LEKR1: variants seen among roughly 807,000 people sequenced by gnomAD.
LEKR1 encodes protein LEKR1.
Under a neutral mutation model 72.4 loss-of-function variants are expected in LEKR1, and 59 were observed. That is an observed-to-expected ratio of 0.82 (90% CI 0.66 to 1.01). The LOEUF is 1.01. Ranked by LOEUF, LEKR1 falls within the 50% of genes least tolerant of loss-of-function variation. LEKR1 has a pLI of 0.00. For missense variants in LEKR1, 728 were observed against 759.2 expected (o/e 0.96, Z 0.48); for synonymous variants, 257 against 263.2 (o/e 0.98, Z 0.23).
intron 11 of LEKR1, among the ~76,000 whole-genome samples, chr3:157,025,853 G>A (rs1734146257): frequency 8.9e-6 from 1 of 111,734 alleles, no homozygotes; most frequent in African/African-American, 3.1e-5. Context: ...TAGCAAGACT[G>A]TCTCTATTAA....
chr3:156,993,964 T>G (rs1731342345), intron 9 of LEKR1, among the ~76,000 whole-genome samples: 1 of 152,112 alleles, frequency 6.6e-6, no homozygotes, highest in Admixed American at 6.5e-5. Flanking sequence ...TTTTTTTGTT[T>G]CATTGATTTA....
intron 1 of LEKR1, among the ~76,000 whole-genome samples, chr3:156,828,839 A>T (rs1483224947): frequency 6.6e-6 from 1 of 152,086 alleles, no homozygotes; most frequent in Admixed American, 6.5e-5. Context: ...CTTTTTCTGT[A>T]TTTCATCATT....
At chr3:156,946,395 A>G (rs1290035665) in intron 6 of LEKR1, among the ~76,000 whole-genome samples, 1 of 151,558 alleles carries the variant, frequency 6.6e-6, no homozygotes, top group South Asian at 2.1e-4. Context: ...AACAAGGATA[A>G]TTTGACTTCT....
At chr3:156,960,602 A>C (rs1728037081) in intron 6 of LEKR1, among the ~76,000 whole-genome samples, 1 of 152,090 alleles carries the variant, frequency 6.6e-6, no homozygotes, top group African/African-American at 2.4e-5. Flanking sequence ...TACGGTTTTT[A>C]TGATCATTAC....
At position 156,879,539 on chromosome 3, in the gene LEKR1, T is replaced by G. The variant is rs1421635758; in HGVS notation, c.263+26557T>G. On this transcript the variant is annotated intron_variant, in intron 3 of 12. Transcript: ENST00000356539. ...ATATGATAGAAAAGAAAAACCCATT[T>G]TCTGAGGAGAAATTCAAGCCAGCTA... is the stretch of plus-strand genomic sequence containing the variant. 2.0e-5 allele frequency among the ~76,000 whole-genome samples: 3 copies of G among 152,358 alleles called. No homozygotes were observed. In the East Asian group the frequency reaches 5.8e-4, roughly 29 times the overall value.
intron 3 of LEKR1, among the ~76,000 whole-genome samples, chr3:156,906,546 G>A (rs1267305685): frequency 6.6e-6 from 1 of 152,162 alleles, no homozygotes; most frequent in Non-Finnish European, 1.5e-5. Flanking sequence ...GCCGAATTGT[G>A]ACTGTTAGAG....
rs560425258 is a variant in LEKR1, at chr3:156,945,472, A to C, written c.745+2758A>C. Among the ~76,000 whole-genome samples, 9 of 151,716 alleles carry C rather than the reference A, an allele frequency of 5.9e-5. No homozygotes were observed. In the Admixed American group the frequency reaches 5.9e-4, roughly 10 times the overall value. On this transcript the variant is annotated intron_variant, in intron 6 of 12. Coordinates refer to ENST00000356539, the MANE Select transcript of LEKR1 (RefSeq NM_001004316.3). ...TAACTTGATATGATCCCATTTGTCCATTTTTGCTTTGGCTGCCTGCGCTTG... is the reference window on the plus strand; with the variant it reads ...TAACTTGATATGATCCCATTTGTCCCTTTTTGCTTTGGCTGCCTGCGCTTG...
intron 3 of LEKR1, among the ~76,000 whole-genome samples, chr3:156,906,987 T>A (rs1722592678): frequency 6.6e-6 from 1 of 152,168 alleles, no homozygotes; most frequent in Admixed American, 6.5e-5. Flanking sequence ...AATTTAGCAG[T>A]GTACTATATA....
At chr3:157,043,319 C>A (rs143535282) in intron 12 of LEKR1, among the ~76,000 whole-genome samples, 1 of 152,152 alleles carries the variant, frequency 6.6e-6, no homozygotes, top group Non-Finnish European at 1.5e-5. Context: ...TTTAATAACT[C>A]CAACACGTTG....
At chr3:156,893,154 T>C (rs1245419716) in intron 3 of LEKR1, among the ~76,000 whole-genome samples, 1 of 152,200 alleles carries the variant, frequency 6.6e-6, no homozygotes, top group African/African-American at 2.4e-5. Context: ...TAACAGTCTC[T>C]ATCTTCAAGT....
chr3:156,882,383 C>G (rs1335693330), intron 3 of LEKR1, among the ~76,000 whole-genome samples: 1 of 151,940 alleles, frequency 6.6e-6, no homozygotes, highest in African/African-American at 2.4e-5. Flanking sequence ...TTTATGCAGC[C>G]AAAAGACACA....
At chr3:156,991,361 T>C (rs1264564329) in intron 7 of LEKR1, among the ~76,000 whole-genome samples, 1 of 152,024 alleles carries the variant, frequency 6.6e-6, no homozygotes, top group Non-Finnish European at 1.5e-5. Flanking sequence ...ACAATTTTGT[T>C]ATATTTTATA....
chr3:157,008,946 T>C (rs962943214), intron 9 of LEKR1, among the ~76,000 whole-genome samples: 25 of 152,164 alleles, frequency 1.6e-4, no homozygotes, highest in Non-Finnish European at 2.9e-5. Flanking sequence ...TTCATTTTGA[T>C]AGCAATTAAT....
intron 5 of LEKR1, among the ~76,000 whole-genome samples, chr3:156,939,103 C>T (rs1219392591): frequency 2.6e-5 from 4 of 151,992 alleles, no homozygotes; most frequent in African/African-American, 9.7e-5. Context: ...GAATTGTGTC[C>T]CCCTCCCCAA....
chr3:156,970,605 G>A (rs1396076599), intron 6 of LEKR1, among the ~76,000 whole-genome samples: 1 of 152,090 alleles, frequency 6.6e-6, no homozygotes, highest in East Asian at 1.9e-4. Flanking sequence ...CATTGTCTCA[G>A]CCCAAAATCT....
At chr3:156,962,586 T>C (rs1209413602) in intron 6 of LEKR1, among the ~76,000 whole-genome samples, 1 of 152,228 alleles carries the variant, frequency 6.6e-6, no homozygotes, top group Non-Finnish European at 1.5e-5. Context: ...CTTTGATCAC[T>C]GGAGTCGTCT....
At chr3:156,864,200 G>A (rs1717070121) in intron 3 of LEKR1, among the ~76,000 whole-genome samples, 1 of 151,672 alleles carries the variant, frequency 6.6e-6, no homozygotes, top group African/African-American at 2.4e-5. Context: ...TTCTTTTTCT[G>A]TTGTCACTTT....
At chr3:156,972,705 T>C (rs1371550962) in intron 6 of LEKR1, among the ~76,000 whole-genome samples, 1 of 101,812 alleles carries the variant, frequency 9.8e-6, no homozygotes, top group Non-Finnish European at 2.0e-5. Flanking sequence ...TAAAATAATA[T>C]TATATTTTAA....
intron 3 of LEKR1, among the ~76,000 whole-genome samples, chr3:156,912,792 T>C (rs1397943812): frequency 6.6e-6 from 1 of 152,200 alleles, no homozygotes; most frequent in Non-Finnish European, 1.5e-5. Flanking sequence ...TGCGCAAGGC[T>C]CTTCATTGTG....
Sources: gnomAD v4.1 joint callset for allele counts (sites outside exome capture counted in the v4.1 genomes callset) on GRCh38, gnomAD v4.1.1 for gene constraint, MANE v1.5 for transcripts, NCBI Gene and HGNC (gene_info 2026-07-23, HGNC 2026-07-21) for gene names.